ZNF483: variants seen among roughly 807,000 people sequenced by gnomAD.
ZNF483 encodes the protein zinc finger protein 483.
In ZNF483, 9 loss-of-function variants were observed where a neutral mutation model predicts 28.6. The ratio of observed to expected loss-of-function variants is 0.32; its 90% confidence interval spans 0.19 to 0.55. The LOEUF (loss-of-function observed/expected upper bound fraction) is 0.55, where lower values mean the gene tolerates loss of function less well. Ranked by LOEUF, ZNF483 falls within the 20% of genes least tolerant of loss-of-function variation. The pLI, the probability that ZNF483 is intolerant of heterozygous loss-of-function variation, is 0.93. For missense variants in ZNF483, 675 were observed against 871.7 expected, an observed-to-expected ratio of 0.77 and a Z score of 2.84; for synonymous variants, 322 against 306.2, an observed-to-expected ratio of 1.05 and a Z score of -0.54.
intron 2 of ZNF483, among the ~76,000 whole-genome samples, chr9:111,528,382 T>G (rs1260471553): frequency 6.6e-6 from 1 of 152,226 alleles, no homozygotes; most frequent in African/African-American, 2.4e-5. Flanking sequence ...TTCCACAGCC[T>G]TAGGGCAGGA....
rs936240571 is a variant in ZNF483 at position 111,542,022 on chromosome 9, G to C, written c.1087G>C (p.Asp363His). The C allele has an allele frequency of 6.2e-7, 1 of 1,614,076 alleles. No homozygotes were observed. Residue 363 changes from aspartate (D) to histidine (H), a missense_variant, in exon 6 of 6, where the codon GAT becomes CAT. By Grantham distance (81) the Asp-to-His change is moderately conservative. Coordinates refer to ENST00000309235, the MANE Select transcript of ZNF483 (RefSeq NM_133464.5). The surrounding 1 kb of genome is among the most constrained non-coding windows in gnomAD (Gnocchi z 6.2). ...CGGAGAAAAGTCACGGAAATCTAATGATGGTGGGAAAGTCCTGAGTCACTC... is the reference window on the plus strand; with the variant it reads ...CGGAGAAAAGTCACGGAAATCTAATCATGGTGGGAAAGTCCTGAGTCACTC... ...TAGEKSRKSN[D>H]GGKVLSHSSA...
At chr9:111,529,387 A>C (rs1007072866) in intron 2 of ZNF483, among the ~76,000 whole-genome samples, 2 of 152,240 alleles carry the variant, frequency 1.3e-5, no homozygotes, top group African/African-American at 4.8e-5. Flanking sequence ...CTTGTGGAGC[A>C]GGGATCACTC....
chr9:111,527,672 G>A lies in ZNF483; in HGVS notation c.277G>A (p.Glu93Lys), dbSNP rs1257903890. ...CATTCACACGAAAGAACAGATTTTA[G>A]AGCTTCTGGTGTTTGAGCAGTTCCT... is the stretch of plus-strand genomic sequence containing the variant. ...PDIHTKEQIL[E>K]LLVFEQFLTI... Residue 93 changes from glutamate to lysine, a missense_variant, in exon 2 of 6, where the codon GAG becomes AAG. Glu to Lys is a moderately conservative substitution (Grantham distance 56). Around this residue, in one of 6 missense-constraint regions of ZNF483, gnomAD observed 525 missense variants for 581.8 expected, o/e 0.90. Coordinates refer to ENST00000309235, the MANE Select transcript of ZNF483 (RefSeq NM_133464.5). 6.2e-7 allele frequency: 1 copy of A among 1,614,146 alleles called. No individual in the cohort carries two copies. The highest frequency in any genetic ancestry group is 1.7e-5 in the Admixed American group (1 of 60,026).
At chr9:111,561,143 GAGA>G (rs1828298619) in intron 5 of ZNF483, among the ~76,000 whole-genome samples, 2 of 49,384 alleles carry the variant, frequency 4.0e-5, no homozygotes, top group African/African-American at 2.8e-4. Flanking sequence ...AGAGAGGAGA[GAGA>G]GGGAGAGAGA....
intron 5 of ZNF483, among the ~76,000 whole-genome samples, chr9:111,536,746 G>A (rs1401226757): frequency 6.7e-6 from 1 of 148,778 alleles, no homozygotes; most frequent in African/African-American, 2.5e-5. Context: ...ATGTATAACC[G>A]TTAACTCTCC....
At chr9:111,556,903 G>A (rs1278879328), downstream of ZNF483, among the ~76,000 whole-genome samples, 1 of 152,186 alleles carries the variant, frequency 6.6e-6, no homozygotes, top group East Asian at 1.9e-4. Flanking sequence ...ACCTTCACCT[G>A]TGATAGCCGT....
chr9:111,574,751 G>A, intron 5 of ZNF483: 1 of 1,613,102 alleles, frequency 6.2e-7, no homozygotes, highest in South Asian at 1.1e-5. Context: ...AAGTGGGCCG[G>A]TTCTGTTATA....
intron 5 of ZNF483, chr9:111,569,970 C>A: frequency 6.8e-7 from 1 of 1,479,164 alleles, no homozygotes; most frequent in Non-Finnish European, 9.2e-7. Flanking sequence ...CACAATGACC[C>A]AATAGGGAAA....
rs1047505726 is a variant in ZNF483, at chr9:111,543,915, T to C, written c.*745T>C. 1.1e-5 allele frequency: 11 copies of C among 985,166 alleles called. No individual in the cohort carries two copies. The highest frequency in any genetic ancestry group is 1.2e-5 in the Non-Finnish European group (10 of 829,928). The allele number at this position is 985,166 out of a possible 1,614,324, so 61.0% of individuals were successfully genotyped here. On this transcript the variant is annotated 3_prime_UTR_variant, in exon 6 of 6. Coordinates refer to ENST00000309235, the MANE Select transcript of ZNF483 (RefSeq NM_133464.5). ...CATTACGGGTACACTCCATCAAGCC[T>C]GGTTCCTAGGATGCTGGACTTCTAG...
In ZNF483 at chr9:111,548,506, T is replaced by C. The variant is rs1827855516; in HGVS notation, c.*5336T>C. ...TTTGTTTATTAGTCATAATAGTTTC[T>C]TGTGAAATTTTTGGGATTTTTAAAT... On this transcript the variant is annotated 3_prime_UTR_variant, in exon 6 of 6. Transcript: ENST00000309235. Among the ~76,000 whole-genome samples, 1 of 152,356 alleles carries C rather than the reference T, an allele frequency of 6.6e-6. No individual in the cohort carries two copies. Among genetic ancestry groups the C allele is most frequent in the East Asian group, 1.9e-4 (1 of 5,190 alleles).
At position 111,533,810 on chromosome 9, in the gene ZNF483, A is replaced by G. The variant is rs1373421158; in HGVS notation, c.573A>G (p.Gln191=). The change falls in exon 4 of 6, where the codon CAA becomes CAG. Residue 191 remains glutamine (Q), a synonymous_variant. Transcript: ENST00000309235. ...AGTGGAAGAAGCTGGAGCCTTTTCA[A>G]AAGGAGCTATATAAGGAAGTGCTAC... ...RGEWKKLEPF[Q]KELYKEVLLE... 5 of 1,592,502 alleles carry G rather than the reference A, an allele frequency of 3.1e-6. No individual in the cohort carries two copies. In the East Asian group the frequency reaches 6.8e-5, roughly 22 times the overall value.
At position 111,545,511 on chromosome 9, in the gene ZNF483, C is replaced by T. The variant is rs1011349125; in HGVS notation, c.*2341C>T. Reference sequence around the variant, plus strand: ...AATATGCTGAGTTGTGCAACCATTACCATAATCCATTTTTTAGAACATCAT... The same window carrying T: ...AATATGCTGAGTTGTGCAACCATTATCATAATCCATTTTTTAGAACATCAT... On this transcript the variant is annotated 3_prime_UTR_variant, in exon 6 of 6. Transcript: ENST00000309235. Among the ~76,000 whole-genome samples, 1 of 152,042 alleles carries T rather than the reference C, an allele frequency of 6.6e-6. No individual in the cohort carries two copies. The highest frequency in any genetic ancestry group is 2.4e-5 in the African/African-American group (1 of 41,404).
downstream of ZNF483, among the ~76,000 whole-genome samples, chr9:111,556,381 G>A (rs931025627): frequency 6.6e-6 from 1 of 152,248 alleles, no homozygotes; most frequent in African/African-American, 2.4e-5. Context: ...CTGGGGTATG[G>A]AGGATGGTGG....
chr9:111,533,982 G>A (rs1827412138), intron 4 of ZNF483, 117 bp downstream of exon 4: 1 of 1,256,688 alleles, frequency 8.0e-7, no homozygotes, highest in Non-Finnish European at 1.1e-6. Context: ...CCCAGGGACT[G>A]ATAGGACTAA....
intron 5 of ZNF483, among the ~76,000 whole-genome samples, chr9:111,573,160 C>T (rs925526498): frequency 7.9e-5 from 12 of 152,104 alleles, no homozygotes; most frequent in African/African-American, 2.9e-4. Flanking sequence ...TTACTGTATC[C>T]AAAATATTTG....
At chr9:111,561,160 A>G (rs1355101319) in intron 5 of ZNF483, among the ~76,000 whole-genome samples, 3 of 139,152 alleles carry the variant, frequency 2.2e-5, no homozygotes, top group Admixed American at 7.2e-5. Context: ...AGAGAGAGAG[A>G]GAGAGAGAGA....
In ZNF483 at chr9:111,544,173, T is replaced by A; in HGVS notation, c.*1003T>A. 1 of 985,400 alleles carries A rather than the reference T, an allele frequency of 1.0e-6. No individual in the cohort carries two copies. The highest frequency in any genetic ancestry group is 1.2e-6 in the Non-Finnish European group (1 of 829,986). The allele number at this position is 985,400 out of a possible 1,614,324, so 61.0% of individuals were successfully genotyped here. ...CAGTCCTAGGAAAATAGATGGGGGC[T>A]GGGGGTAAGGAAATGTGCTGAAGAC... On this transcript the variant is annotated 3_prime_UTR_variant, in exon 6 of 6. Coordinates refer to ENST00000309235, the MANE Select transcript of ZNF483 (RefSeq NM_133464.5).
At position 111,551,625 on chromosome 9, in the gene ZNF483, C is replaced by CAG. The variant is rs1827958887; in HGVS notation, c.*8455_*8456insAG. 6.6e-6 allele frequency among the ~76,000 whole-genome samples: 1 copy of CAG among 152,032 alleles called. No homozygotes were observed. The highest frequency in any genetic ancestry group is 1.5e-5 in the Non-Finnish European group (1 of 67,982). ...CTGTGTTGCCCAGGCTGTTCTCCAA[C>CAG]TCCTAAGCCCAGGCAATCTGCCTGT... On this transcript the variant is annotated 3_prime_UTR_variant, in exon 6 of 6. Transcript: ENST00000309235.
In ZNF483 at chr9:111,530,219, C is replaced by G. The variant is rs191103387; in HGVS notation, c.413-656C>G. ...TGTCTATGAAGCTTCCATAAAAACCCAAAAGGACACAGCTCATGAGAGTTT... is the reference window on the plus strand; with the variant it reads ...TGTCTATGAAGCTTCCATAAAAACCGAAAAGGACACAGCTCATGAGAGTTT... On this transcript the variant is annotated intron_variant, in intron 2 of 5. Transcript: ENST00000309235. Among the ~76,000 whole-genome samples the G allele has an allele frequency of 5.5e-4, 84 of 152,188 alleles. 2 individuals are homozygous for G. The highest frequency in any genetic ancestry group is 4.4e-3 in the Admixed American group (68 of 15,298).
Sources: allele counts gnomAD v4.1 joint callset (sites outside exome capture counted in the v4.1 genomes callset), GRCh38; gene constraint gnomAD v4.1.1; regional missense constraint gnomAD v4.1.1; non-coding constraint Gnocchi (gnomAD v3.1); transcripts MANE v1.5; gene names NCBI Gene and HGNC (gene_info 2026-07-23, HGNC 2026-07-21).